The following AKAP6 variants were observed in gnomAD, a reference collection of about 807,000 sequenced individuals.
AKAP6 encodes the protein A-kinase anchoring protein 6, also known as A-kinase anchor protein 6.
Under a neutral mutation model 188.5 loss-of-function variants are expected in AKAP6, and 58 were observed. That is an observed-to-expected ratio of 0.31 (90% CI 0.25 to 0.38). AKAP6 has a LOEUF of 0.38. AKAP6 is among the 10% of genes least tolerant of loss of function. The pLI, the probability that AKAP6 is intolerant of heterozygous loss-of-function variation, is 1.00. For synonymous variants in AKAP6, 989 were observed against 998.6 expected (o/e 0.99, Z 0.18); for missense variants, 2,710 against 2,740.0 (o/e 0.99, Z 0.24).
At chr14:32,394,337 T>A (rs1023159413) in intron 1 of AKAP6, among the ~76,000 whole-genome samples, 8 of 152,238 alleles carry the variant, frequency 5.3e-5, no homozygotes, top group Non-Finnish European at 8.8e-5. Flanking sequence ...CTTCCAAAGA[T>A]TTAAGATTCC....
intron 10 of AKAP6, chr14:32,732,859 C>T (rs952949084): frequency 1.7e-6 from 1 of 601,122 alleles, no homozygotes; most frequent in Non-Finnish European, 2.9e-6. Context: ...TAAAATATGC[C>T]ATGTATTATG....
chr14:32,765,558 A>C (rs2032687539), intron 11 of AKAP6, among the ~76,000 whole-genome samples: 2 of 152,236 alleles, frequency 1.3e-5, no homozygotes, highest in Admixed American at 6.5e-5. Context: ...TATTTCTAGG[A>C]GTAGGACAGC....
intron 7 of AKAP6, chr14:32,617,087 A>G (rs1442497904): frequency 6.6e-6 from 1 of 152,280 alleles, no homozygotes; most frequent in Non-Finnish European, 1.5e-5. Flanking sequence ...CTCCATTTGC[A>G]CTTTATGTGC....
intron 7 of AKAP6, among the ~76,000 whole-genome samples, chr14:32,664,363 T>A (rs1888831323): frequency 6.6e-6 from 1 of 152,096 alleles, no homozygotes; most frequent in African/African-American, 2.4e-5. Context: ...TGCTTGTGTG[T>A]GTGCTTGTGT....
At chr14:32,359,195 T>C (rs1413676211) in intron 1 of AKAP6, among the ~76,000 whole-genome samples, 1 of 152,096 alleles carries the variant, frequency 6.6e-6, no homozygotes, top group Admixed American at 6.5e-5. Context: ...AAAAAAAATT[T>C]TGGGGAAGTA....
rs192935430 is a variant in AKAP6 at position 32,832,443 on chromosome 14, G to A, written c.*2638G>A. 2.2e-3 allele frequency: 342 copies of A among 152,322 alleles called. No homozygotes were observed. The highest frequency in any genetic ancestry group is 7.7e-3 in the African/African-American group (321 of 41,558). 9.4% of individuals were successfully genotyped at this position (152,322 alleles called of 1,614,324 possible). On this transcript the variant is annotated 3_prime_UTR_variant, in exon 14 of 14. Coordinates refer to ENST00000280979, the MANE Select transcript of AKAP6 (RefSeq NM_004274.5). ...TTGTTACATGCTCATGGAAGACCGT[G>A]CAGTATTGAAAGTATTTGTTAATTA...
chr14:32,474,528 G>A (rs1457658269), intron 2 of AKAP6: 2 of 152,322 alleles, frequency 1.3e-5, no homozygotes, highest in African/African-American at 2.4e-5. Context: ...ACCATTCTTA[G>A]AATTCTTTAG....
intron 1 of AKAP6, among the ~76,000 whole-genome samples, chr14:32,392,553 C>T (rs977072790): frequency 1.3e-5 from 2 of 152,138 alleles, no homozygotes; most frequent in African/African-American, 4.8e-5. Flanking sequence ...GCACTCCTAG[C>T]TAAGATCTTG....
At chr14:32,365,462 C>T (rs1254151891) in intron 1 of AKAP6, among the ~76,000 whole-genome samples, 2 of 152,114 alleles carry the variant, frequency 1.3e-5, no homozygotes, top group East Asian at 3.9e-4. Flanking sequence ...TTGGAACCGA[C>T]CATATAATGT....
chr14:32,823,917 A>G lies in AKAP6; in HGVS notation c.6104A>G (p.Asn2035Ser). ...ACAGAGGAAAATGCTTCTATCAGCA[A>G]CATTTCCTGTTGCAACTGTGAGCCA... Reference protein sequence around the residue: ...NGTEENASISNISCCNCEPDV... With the variant: ...NGTEENASISSISCCNCEPDV... The change falls in exon 13 of 14, where the codon AAC (asparagine) becomes AGC (serine). Residue 2035 changes from asparagine (N) to serine (S), a missense_variant. Asn to Ser is a conservative substitution (Grantham distance 46, BLOSUM62 1). Around this residue, in one of 2 missense-constraint regions of AKAP6, gnomAD observed 2,473 missense variants for 2,426.1 expected, o/e 1.02. Coordinates refer to ENST00000280979, the MANE Select transcript of AKAP6 (RefSeq NM_004274.5). 6.2e-7 allele frequency: 1 copy of G among 1,613,982 alleles called. No individual in the cohort carries two copies. Among genetic ancestry groups the G allele is most frequent in the Non-Finnish European group, 8.5e-7 (1 of 1,179,942 alleles).
At chr14:32,649,899 A>C (rs1888139659) in intron 7 of AKAP6, among the ~76,000 whole-genome samples, 1 of 152,170 alleles carries the variant, frequency 6.6e-6, no homozygotes, top group African/African-American at 2.4e-5. Flanking sequence ...GTTGTAGAGG[A>C]AAGTTCCTTT....
At chr14:32,744,142 G>T (rs2031791753) in intron 11 of AKAP6, among the ~76,000 whole-genome samples, 1 of 151,942 alleles carries the variant, frequency 6.6e-6, no homozygotes, top group Non-Finnish European at 1.5e-5. Context: ...TGAAAAGTCT[G>T]CTGCCTGCCA....
chr14:32,611,939 G>C (rs980431155), intron 7 of AKAP6, among the ~76,000 whole-genome samples: 1 of 152,084 alleles, frequency 6.6e-6, no homozygotes, highest in Admixed American at 6.6e-5. Flanking sequence ...TTCTGAGTTA[G>C]GACAGAAAGA....
intron 1 of AKAP6, among the ~76,000 whole-genome samples, chr14:32,395,579 T>C (rs1888854549): frequency 6.6e-6 from 1 of 152,220 alleles, no homozygotes; most frequent in Non-Finnish European, 1.5e-5. Flanking sequence ...TCTCACTTTT[T>C]AAGCTAGAAA....
At chr14:32,750,890 A>G (rs12881050) in intron 11 of AKAP6, among the ~76,000 whole-genome samples, 93,116 of 150,958 alleles carry the variant, frequency 0.62, 31,892 homozygotes, top group Non-Finnish European at 0.76. Context: ...GCCTGCCACC[A>G]TGCCCGGCTA....
intron 2 of AKAP6, among the ~76,000 whole-genome samples, chr14:32,491,498 T>C (rs561061858): frequency 3.3e-5 from 5 of 152,270 alleles, no homozygotes; most frequent in Admixed American, 6.5e-5. Flanking sequence ...AAATTACATA[T>C]GTTATGTGGC....
intron 1 of AKAP6, among the ~76,000 whole-genome samples, chr14:32,380,285 A>G (rs1243692876): frequency 6.6e-6 from 1 of 152,050 alleles, no homozygotes; most frequent in Non-Finnish European, 1.5e-5. Context: ...CCCTTTTCTG[A>G]GTTCCCACCG....
chr14:32,644,691 C>T (rs192871340), intron 7 of AKAP6, among the ~76,000 whole-genome samples: 4 of 152,198 alleles, frequency 2.6e-5, no homozygotes, highest in Non-Finnish European at 4.4e-5. Flanking sequence ...CTCTGTTTCT[C>T]TCTGCCTCTG....
At chr14:32,387,295 T>A (rs1888563323) in intron 1 of AKAP6, among the ~76,000 whole-genome samples, 1 of 151,982 alleles carries the variant, frequency 6.6e-6, no homozygotes, top group Admixed American at 6.6e-5. Flanking sequence ...CTTTCTTTTG[T>A]CTGATTGCTC....
Sources: gnomAD v4.1 joint callset for allele counts (sites outside exome capture counted in the v4.1 genomes callset) on GRCh38, gnomAD v4.1.1 for gene constraint, gnomAD v4.1.1 regional missense constraint, MANE v1.5 for transcripts, NCBI Gene and HGNC (gene_info 2026-07-23, HGNC 2026-07-21) for gene names.